The following DENND2B variants were observed in gnomAD, a reference collection of about 807,000 sequenced individuals.
The protein encoded by DENND2B is DENN domain containing 2B, also known as DENN domain-containing protein 2B.
DENND2B carries 32 observed loss-of-function variants against 116.0 expected under a neutral mutation model. The observed-to-expected ratio is 0.28, with a 90% CI of 0.21 to 0.37. DENND2B has a LOEUF of 0.37. Among genes scored for constraint, DENND2B ranks in the 10% least tolerant of loss-of-function variants. DENND2B has a pLI of 1.00. For missense variants in DENND2B, 1,276 were observed against 1,477.7 expected, an observed-to-expected ratio of 0.86 and a Z score of 2.24; for synonymous variants, 588 against 583.9, an observed-to-expected ratio of 1.01 and a Z score of -0.10.
chr11:8,847,425 C>T (rs1263748581), intron 3 of DENND2B, among the ~76,000 whole-genome samples: 1 of 152,062 alleles, frequency 6.6e-6, no homozygotes, highest in Admixed American at 6.6e-5. Flanking sequence ...AAAGTGGGAT[C>T]TCAATAGTAT....
At chr11:8,729,867 C>T in intron 3 of DENND2B, 83 bp downstream of exon 3, 8 of 1,528,922 alleles carry the variant, frequency 5.2e-6, no homozygotes, top group Non-Finnish European at 7.1e-6. Context: ...GACTGCGACC[C>T]ATCCTACAAT....
At chr11:8,886,335 A>G (rs1424666880) in intron 1 of DENND2B, among the ~76,000 whole-genome samples, 5 of 152,174 alleles carry the variant, frequency 3.3e-5, no homozygotes, top group Non-Finnish European at 7.3e-5. Context: ...TAATTTAAAG[A>G]CACAAAGATT....
chr11:8,831,003 A>G (rs2134582348), intron 4 of DENND2B: 1 of 152,382 alleles, frequency 6.6e-6, no homozygotes, highest in African/African-American at 2.4e-5. Context: ...ATTAAGCCCC[A>G]TCTGTTCTCA....
intron 4 of DENND2B, among the ~76,000 whole-genome samples, chr11:8,822,915 T>C (rs1459010160): frequency 2.0e-5 from 3 of 152,152 alleles, no homozygotes; most frequent in African/African-American, 4.8e-5. Flanking sequence ...GAAAAGAATA[T>C]ATAAAAAGTG....
intron 1 of DENND2B, among the ~76,000 whole-genome samples, chr11:8,902,742 T>C (rs1478686886): frequency 1.3e-5 from 2 of 152,202 alleles, no homozygotes; most frequent in Non-Finnish European, 1.5e-5. Flanking sequence ...GTTTACATGG[T>C]ATATCTTTTT....
chr11:8,803,691 C>T (rs2060557022), intron 1 of DENND2B, among the ~76,000 whole-genome samples: 2 of 152,182 alleles, frequency 1.3e-5, no homozygotes, highest in Admixed American at 1.3e-4. Context: ...ACATTGAAAC[C>T]TTACAATAAC....
Position 8,833,545 on chromosome 11 carries a change from A to G in DENND2B, c.-115+5765T>C, listed in dbSNP as rs183348393. On this transcript the variant is annotated intron_variant, in intron 4 of 6. Transcript: ENST00000524757. ...AAAATACACACAGAGACACATATAGACACACGTCTGTTCTTCAAAGCTTTG... is the reference window on the plus strand; with the variant it reads ...AAAATACACACAGAGACACATATAGGCACACGTCTGTTCTTCAAAGCTTTG... 1.3e-4 allele frequency among the ~76,000 whole-genome samples: 20 copies of G among 152,270 alleles called. No individual in the cohort carries two copies. In the East Asian group the frequency reaches 3.7e-3, roughly 28 times the overall value.
chr11:8,795,047 C>T (rs1167964646), intron 1 of DENND2B, among the ~76,000 whole-genome samples: 1 of 152,204 alleles, frequency 6.6e-6, no homozygotes, highest in African/African-American at 2.4e-5. Flanking sequence ...TGCTGACTGG[C>T]GGGGGGAAGC....
intron 1 of DENND2B, among the ~76,000 whole-genome samples, chr11:8,889,780 G>A (rs993491763): frequency 2.0e-5 from 3 of 152,206 alleles, no homozygotes; most frequent in Non-Finnish European, 4.4e-5. Context: ...GCAGCTCAAG[G>A]AGGCCTGCCT....
At chr11:8,774,227 C>A in intron 1 of DENND2B, 1 of 985,478 alleles carries the variant, frequency 1.0e-6, no homozygotes, top group South Asian at 4.7e-5. Context: ...CTCCACCCTT[C>A]AGCCCTACCT....
At chr11:8,768,856 T>A in intron 1 of DENND2B, 1 of 152,324 alleles carries the variant, frequency 6.6e-6, no homozygotes, top group Non-Finnish European at 1.5e-5. Context: ...TATATTTTCA[T>A]ATTTGTAGCC....
chr11:8,731,307 T>G lies in DENND2B; in HGVS notation c.81-98A>C, dbSNP rs892636335. 11 of 1,196,254 alleles carry G rather than the reference T, an allele frequency of 9.2e-6. No individual in the cohort carries two copies. The African/African-American group carries it at 1.7e-4, about 19-fold the overall frequency. 74.1% of individuals were successfully genotyped at this position (1,196,254 alleles called of 1,614,324 possible). A position where few individuals can be genotyped will look rare whatever the true frequency, so the allele number is the denominator to read the frequency against. The stretch of plus-strand genomic sequence containing the variant: ...TTTTATTCTTACAGAACTCAGCATC[T>G]TTTTCCTGGAGGACTCTCAAAGAGT... On this transcript the variant is annotated intron_variant, in intron 2 of 19. Coordinates refer to ENST00000313726, the MANE Select transcript of DENND2B (RefSeq NM_213618.2).
At chr11:8,890,209 C>T (rs1418091300) in intron 1 of DENND2B, among the ~76,000 whole-genome samples, 1 of 152,180 alleles carries the variant, frequency 6.6e-6, no homozygotes, top group African/African-American at 2.4e-5. Context: ...AACTAACAAA[C>T]AGAAAGGACA....
At chr11:8,810,779 G>C (rs2061322538), upstream of DENND2B, 4 of 149,732 alleles carry the variant, frequency 2.7e-5, no homozygotes, top group South Asian at 8.3e-4. Context: ...GTGCACAAGG[G>C]CGCTCTCTTT....
chr11:8,694,759 C>T (rs942728569), intron 19 of DENND2B: 3 of 386,446 alleles, frequency 7.8e-6, no homozygotes, highest in African/African-American at 6.3e-5. Context: ...CTAAACAATA[C>T]AGTATAATAT....
intron 2 of DENND2B, among the ~76,000 whole-genome samples, chr11:8,860,627 T>C (rs888564055): frequency 2.0e-5 from 3 of 152,092 alleles, no homozygotes; most frequent in African/African-American, 4.8e-5. Context: ...CCCAAAGCAA[T>C]CTACAGATTC....
chr11:8,798,391 A>G (rs1030782438), intron 1 of DENND2B, among the ~76,000 whole-genome samples: 2 of 152,220 alleles, frequency 1.3e-5, no homozygotes, highest in African/African-American at 4.8e-5. Context: ...CCAGGGAAAG[A>G]TTGTAAATTA....
At chr11:8,713,954 G>C in intron 8 of DENND2B, 44 bp downstream of exon 8, 2 of 1,608,102 alleles carry the variant, frequency 1.2e-6, no homozygotes, top group East Asian at 4.5e-5. Context: ...ATTCCCTGCA[G>C]CCCTGCTGGG....
chr11:8,755,359 T>G (rs1244797446), intron 1 of DENND2B, among the ~76,000 whole-genome samples: 6 of 152,244 alleles, frequency 3.9e-5, no homozygotes, highest in Non-Finnish European at 8.8e-5. Context: ...ATGATAAAAA[T>G]AAGTCAAGTC....
Sources: allele counts gnomAD v4.1 joint callset (sites outside exome capture counted in the v4.1 genomes callset), GRCh38; gene constraint gnomAD v4.1.1; transcripts MANE v1.5; gene names NCBI Gene and HGNC (gene_info 2026-07-23, HGNC 2026-07-21).